ROBO1: variants seen among roughly 807,000 people sequenced by gnomAD.
ROBO1 encodes the protein roundabout homolog 1.
In ROBO1, 149 loss-of-function variants were observed where a neutral mutation model predicts 195.9. The ratio of observed to expected loss-of-function variants is 0.76; its 90% CI spans 0.67 to 0.87. ROBO1 has a LOEUF of 0.87. ROBO1 is among the 40% of genes least tolerant of loss of function. The pLI is 0.00. For synonymous variants in ROBO1, 816 were observed against 733.2 expected (o/e 1.11, Z -1.82); for missense variants, 1,933 against 2,068.3 (o/e 0.93, Z 1.27).
chr3:79,298,051 G>C (rs2032687270), intron 2 of ROBO1, among the ~76,000 whole-genome samples: 1 of 152,050 alleles, frequency 6.6e-6, no homozygotes, highest in Non-Finnish European at 1.5e-5. Flanking sequence ...AGGAATTAGT[G>C]AAATAGAGAA....
intron 2 of ROBO1, among the ~76,000 whole-genome samples, chr3:79,373,433 A>C (rs2036273924): frequency 6.6e-6 from 1 of 152,186 alleles, no homozygotes; most frequent in Non-Finnish European, 1.5e-5. Flanking sequence ...AGACTGCCCT[A>C]ATTCTAAACA....
intron 2 of ROBO1, among the ~76,000 whole-genome samples, chr3:79,266,659 A>C (rs1409130110): frequency 6.6e-6 from 1 of 151,646 alleles, no homozygotes; most frequent in Non-Finnish European, 1.5e-5. Flanking sequence ...GATAGAAAAT[A>C]AATTGATATC....
Position 79,049,096 on chromosome 3 carries a change from T to A in ROBO1, c.172+76360A>T, listed in dbSNP as rs140301182. Among the ~76,000 whole-genome samples, 512 of 152,078 alleles carry A rather than the reference T, an allele frequency of 3.4e-3. 4 individuals are homozygous for A. The highest frequency in any genetic ancestry group is 0.012 in the African/African-American group (496 of 41,534). On this transcript the variant is annotated intron_variant, in intron 3 of 30. Coordinates refer to ENST00000464233, the MANE Select transcript of ROBO1 (RefSeq NM_002941.4). Reference sequence around the variant, plus strand: ...TTCAGAAGGTCGGTAATAACAAACTTCTCTGAGCTAAAGGAGCATGTTCTA... The same window carrying A: ...TTCAGAAGGTCGGTAATAACAAACTACTCTGAGCTAAAGGAGCATGTTCTA...
chr3:79,635,150 T>C (rs1397543013), intron 1 of ROBO1, among the ~76,000 whole-genome samples: 1 of 152,220 alleles, frequency 6.6e-6, no homozygotes. Flanking sequence ...CATTTTCCTA[T>C]CACTACATTT....
intron 2 of ROBO1, among the ~76,000 whole-genome samples, chr3:79,312,715 G>A (rs902629746): frequency 2.6e-5 from 4 of 152,096 alleles, no homozygotes; most frequent in Admixed American, 2.6e-4. Context: ...CCAGTTCTGA[G>A]GTTCACCACA....
chr3:79,226,025 C>A (rs1220522839), intron 2 of ROBO1, among the ~76,000 whole-genome samples: 1 of 152,156 alleles, frequency 6.6e-6, no homozygotes, highest in African/African-American at 2.4e-5. Flanking sequence ...ACAAAAAGCA[C>A]AACCTCCTGT....
chr3:79,084,274 G>A (rs1487171585), intron 3 of ROBO1, among the ~76,000 whole-genome samples: 5 of 152,220 alleles, frequency 3.3e-5, no homozygotes, highest in Admixed American at 6.5e-5. Context: ...TGAGGTGGGC[G>A]GATCACCTGA....
intron 1 of ROBO1, among the ~76,000 whole-genome samples, chr3:79,599,669 T>A (rs1158254705): frequency 6.6e-6 from 1 of 151,962 alleles, no homozygotes; most frequent in Non-Finnish European, 1.5e-5. Context: ...TTTTTCACCC[T>A]AAACATGTGA....
chr3:78,966,324 G>A (rs2076645364), intron 3 of ROBO1, among the ~76,000 whole-genome samples: 1 of 152,208 alleles, frequency 6.6e-6, no homozygotes. Flanking sequence ...CGCAATGGGG[G>A]AAATCCCAAT....
chr3:79,297,388 A>G (rs965976136), intron 2 of ROBO1, among the ~76,000 whole-genome samples: 1 of 152,176 alleles, frequency 6.6e-6, no homozygotes, highest in African/African-American at 2.4e-5. Flanking sequence ...ACAATTACAT[A>G]ACTGTTTGAC....
intron 2 of ROBO1, among the ~76,000 whole-genome samples, chr3:79,527,209 A>G (rs1941468510): frequency 6.6e-6 from 1 of 152,140 alleles, no homozygotes; most frequent in Non-Finnish European, 1.5e-5. Context: ...TTATTTGATC[A>G]TTTGCTTTTT....
intron 29 of ROBO1, among the ~76,000 whole-genome samples, chr3:78,602,659 C>A (rs753392952): frequency 3.4e-4 from 52 of 152,112 alleles, no homozygotes; most frequent in Non-Finnish European, 5.3e-4. Context: ...TGTAACACGT[C>A]ATTAATACAT....
chr3:78,839,205 G>A (rs1005340896), intron 4 of ROBO1, among the ~76,000 whole-genome samples: 3 of 151,990 alleles, frequency 2.0e-5, no homozygotes, highest in South Asian at 2.1e-4. Context: ...AAGTTTGATC[G>A]CTAGAATATT....
chr3:78,845,366 C>A (rs905024448), intron 4 of ROBO1, among the ~76,000 whole-genome samples: 2 of 151,700 alleles, frequency 1.3e-5, no homozygotes, highest in African/African-American at 4.8e-5. Context: ...AAATGATATT[C>A]TTTAAAGTGA....
At chr3:79,499,034 G>A (rs1310361973) in intron 2 of ROBO1, among the ~76,000 whole-genome samples, 1 of 151,104 alleles carries the variant, frequency 6.6e-6, no homozygotes, top group Non-Finnish European at 1.5e-5. Context: ...TGCTTTTGTC[G>A]CCCAGGCTGG....
At chr3:79,695,701 A>G (rs1947425430) in intron 1 of ROBO1, among the ~76,000 whole-genome samples, 1 of 151,486 alleles carries the variant, frequency 6.6e-6, no homozygotes, top group Non-Finnish European at 1.5e-5. Context: ...AATTATGTTG[A>G]AATGCTACTG....
intron 2 of ROBO1, among the ~76,000 whole-genome samples, chr3:79,215,881 A>T (rs1295637206): frequency 6.6e-6 from 1 of 152,188 alleles, no homozygotes; most frequent in Non-Finnish European, 1.5e-5. Flanking sequence ...ACACAATAAG[A>T]ACATTACATT....
intron 3 of ROBO1, among the ~76,000 whole-genome samples, chr3:79,057,616 T>C (rs1473230045): frequency 6.6e-6 from 1 of 152,032 alleles, no homozygotes; most frequent in Non-Finnish European, 1.5e-5. Context: ...CCATTTCTAT[T>C]ACCCTGGAAA....
chr3:79,619,334 A>G (rs1422448222), intron 1 of ROBO1, among the ~76,000 whole-genome samples: 1 of 151,642 alleles, frequency 6.6e-6, no homozygotes, highest in Non-Finnish European at 1.5e-5. Flanking sequence ...TCCACTCTCC[A>G]TTCCCCCTTC....
Sources: gnomAD v4.1 joint callset for allele counts (sites outside exome capture counted in the v4.1 genomes callset) on GRCh38, gnomAD v4.1.1 for gene constraint, MANE v1.5 for transcripts, NCBI Gene and HGNC (gene_info 2026-07-23, HGNC 2026-07-21) for gene names.